Variants in ARID5B observed in about 807,000 individuals in gnomAD.
ARID5B encodes AT-rich interaction domain 5B.
In ARID5B, 13 loss-of-function variants were observed where a neutral mutation model predicts 97.2. That is an observed-to-expected ratio of 0.13 (90% CI 0.09 to 0.21). ARID5B has a LOEUF of 0.21. Ranked by LOEUF, ARID5B falls within the 10% of genes least tolerant of loss-of-function variation. The pLI is 1.00. For synonymous variants in ARID5B, 556 were observed against 570.3 expected (o/e 0.97, Z 0.36); for missense variants, 1,210 against 1,465.3 (o/e 0.83, Z 2.84).
intron 4 of ARID5B, among the ~76,000 whole-genome samples, chr10:62,029,534 TTATATAC>T (rs1564631599): frequency 6.6e-6 from 1 of 152,240 alleles, no homozygotes; most frequent in Non-Finnish European, 1.5e-5. Context: ...TAGCTAGTGC[TTATATAC>T]TACTTATTAT....
chr10:62,084,977 C>T lies in ARID5B; in HGVS notation c.1200-725C>T, dbSNP rs984219069. Among the ~76,000 whole-genome samples, 63 of 152,254 alleles carry T rather than the reference C, an allele frequency of 4.1e-4. 1 individual carries two copies. Among genetic ancestry groups the T allele is most frequent in the Admixed American group, 9.8e-4 (15 of 15,288 alleles). On this transcript the variant is annotated intron_variant, in intron 8 of 9. Transcript: ENST00000279873. ...ATAAGACTAAACTGTCTCTTGGCCACGCTGTGCTTGCCTCTCATTGACCTT... is the reference window on the plus strand; with the variant it reads ...ATAAGACTAAACTGTCTCTTGGCCATGCTGTGCTTGCCTCTCATTGACCTT...
rs563926137 is a variant in ARID5B at position 61,939,046 on chromosome 10, G to T, written c.277-1137G>T. On this transcript the variant is annotated intron_variant, in intron 2 of 9. Transcript: ENST00000279873. ...GGAGGAAAAAGTCATGTTTGGGGAGGAGGAAAAAGTCATGTTTAACAGCAA... is the reference window on the plus strand; with the variant it reads ...GGAGGAAAAAGTCATGTTTGGGGAGTAGGAAAAAGTCATGTTTAACAGCAA... Among the ~76,000 whole-genome samples, 206 of 150,708 alleles carry T rather than the reference G, an allele frequency of 1.4e-3. 2 individuals carry two copies. Among genetic ancestry groups the T allele is most frequent in the African/African-American group, 4.8e-3 (199 of 41,116 alleles).
At chr10:61,907,037 A>G (rs906311554) in intron 2 of ARID5B, among the ~76,000 whole-genome samples, 21 of 152,222 alleles carry the variant, frequency 1.4e-4, no homozygotes, top group African/African-American at 5.1e-4. Context: ...AACCACTACC[A>G]TGGAGCTTAC....
intron 5 of ARID5B, among the ~76,000 whole-genome samples, chr10:62,051,493 T>C (rs1391950767): frequency 6.6e-6 from 1 of 152,230 alleles, no homozygotes; most frequent in Non-Finnish European, 1.5e-5. Context: ...AGACTAAAAT[T>C]AAAGATACAT....
At chr10:61,967,923 A>G (rs1028250169) in intron 3 of ARID5B, among the ~76,000 whole-genome samples, 1 of 151,990 alleles carries the variant, frequency 6.6e-6, no homozygotes, top group African/African-American at 2.4e-5. Context: ...CTTGTAGATA[A>G]CCATCTATTT....
rs1008020174 is a variant in ARID5B at position 62,096,806 on chromosome 10, A to G, written c.*3776A>G. ...GCCAACTATAAACACTCAATTTTGT[A>G]TGTTTTCCAAATTGTACTTATTACT... On this transcript the variant is annotated 3_prime_UTR_variant, in exon 10 of 10. Transcript: ENST00000279873. 2 of 233,460 alleles carry G rather than the reference A, an allele frequency of 8.6e-6. No homozygotes were observed. The highest frequency in any genetic ancestry group is 1.7e-5 in the Non-Finnish European group (2 of 117,992). The allele number at this position is 233,460 out of a possible 1,614,324, so 14.5% of individuals were successfully genotyped here. A position where few individuals can be genotyped will look rare whatever the true frequency, so the allele number is the denominator to read the frequency against.
rs922009567 is a variant in ARID5B, at chr10:62,096,541, C to G, written c.*3511C>G. ...GTGTATTTGATATTCTGCCTGTCTC[C>G]TCATGGTTGAAATATGTCTGAAGAA... On this transcript the variant is annotated 3_prime_UTR_variant, in exon 10 of 10. Transcript: ENST00000279873. The G allele has an allele frequency of 4.3e-6, 1 of 233,310 alleles. No homozygotes were observed. Among genetic ancestry groups the G allele is most frequent in the South Asian group, 1.8e-4 (1 of 5,536 alleles). 14.5% of individuals were successfully genotyped at this position (233,310 alleles called of 1,614,324 possible).
At chr10:62,046,122 T>C (rs1319880309) in intron 4 of ARID5B, among the ~76,000 whole-genome samples, 1 of 152,028 alleles carries the variant, frequency 6.6e-6, no homozygotes, top group Non-Finnish European at 1.5e-5. Flanking sequence ...GAAGGAAGAG[T>C]TGTTAACTGA....
At chr10:61,919,038 C>A (rs1300546594) in intron 2 of ARID5B, among the ~76,000 whole-genome samples, 4 of 4,948 alleles carry the variant, frequency 8.1e-4, no homozygotes, top group African/African-American at 3.2e-3. Flanking sequence ...TGACTCCGTC[C>A]CCCCCCCCCC....
Position 62,092,332 on chromosome 10 carries a change from G to C in ARID5B, c.2869G>C (p.Val957Leu). ...SRDCHPKACR[V>L]SPMTMSGPKK... ...AGACTGTCACCCCAAAGCCTGTCGG[G>C]TATCACCCATGACCATGTCAGGCCC... The change falls in exon 10 of 10, where the codon GTA (valine) becomes CTA (leucine). Residue 957 changes from valine to leucine, a missense_variant. Val to Leu is a conservative substitution (Grantham distance 32). This residue lies in a region of ARID5B where 800 missense variants were observed against 839.1 expected (regional missense o/e 0.95). Transcript: ENST00000279873. 1 of 1,613,504 alleles carries C rather than the reference G, an allele frequency of 6.2e-7. No homozygotes were observed. The highest frequency in any genetic ancestry group is 8.5e-7 in the Non-Finnish European group (1 of 1,179,740).
chr10:62,005,366 G>A (rs1192327649), intron 4 of ARID5B, among the ~76,000 whole-genome samples: 2 of 152,154 alleles, frequency 1.3e-5, no homozygotes, highest in African/African-American at 2.4e-5. Context: ...GAATAAGACT[G>A]TGTTCACTTG....
rs768320220 is a variant in ARID5B at position 62,094,890 on chromosome 10, C to T, written c.*1860C>T. On this transcript the variant is annotated 3_prime_UTR_variant, in exon 10 of 10. Transcript: ENST00000279873. ...ATTTTCAACTTCTAAATAGGTAACT[C>T]GACTGCAAAATAATCAAAACTGATA... is the stretch of plus-strand genomic sequence containing the variant. 8.7e-6 allele frequency: 2 copies of T among 230,836 alleles called. No homozygotes were observed. Among genetic ancestry groups the T allele is most frequent in the Admixed American group, 5.7e-5 (1 of 17,690 alleles). 14.3% of individuals were successfully genotyped at this position (230,836 alleles called of 1,614,324 possible). A position where few individuals can be genotyped will look rare whatever the true frequency, so the allele number is the denominator to read the frequency against.
In ARID5B at chr10:61,981,089, T is replaced by A. The variant is rs148680413; in HGVS notation, c.503-19002T>A. 4.7e-3 allele frequency among the ~76,000 whole-genome samples: 723 copies of A among 152,352 alleles called. 5 individuals carry two copies. Among genetic ancestry groups the A allele is most frequent in the Middle Eastern group, 0.044 (13 of 294 alleles). On this transcript the variant is annotated intron_variant, in intron 3 of 9. Transcript: ENST00000279873. ...GAGTCACCTTGAACAGGTTGCTTAA[T>A]CTCTCTAAGCCTCAATTTCCTCATC...
At chr10:61,905,975 T>C (rs1165488719) in intron 2 of ARID5B, among the ~76,000 whole-genome samples, 1 of 152,176 alleles carries the variant, frequency 6.6e-6, no homozygotes, top group Non-Finnish European at 1.5e-5. Context: ...GGAAAAGCAT[T>C]CAAGAAAGTC....
At position 62,091,228 on chromosome 10, in the gene ARID5B, G is replaced by A; in HGVS notation, c.1765G>A (p.Glu589Lys). 6.2e-7 allele frequency: 1 copy of A among 1,614,126 alleles called. No homozygotes were observed. Among genetic ancestry groups the A allele is most frequent in the Non-Finnish European group, 8.5e-7 (1 of 1,180,000 alleles). ...LCCFTESPES[E>K]PQEASFPSFP... ...CTGTTTTACAGAGAGCCCTGAAAGTGAACCCCAAGAAGCATCCTTCCCCAG... is the reference window on the plus strand; with the variant it reads ...CTGTTTTACAGAGAGCCCTGAAAGTAAACCCCAAGAAGCATCCTTCCCCAG... Residue 589 changes from glutamate (E) to lysine (K), a missense_variant, in exon 10 of 10, where the codon GAA (glutamate) becomes AAA (lysine). By Grantham distance (56) the Glu-to-Lys change is moderately conservative. This residue lies in a region of ARID5B where 800 missense variants were observed against 839.1 expected (regional missense o/e 0.95). Coordinates refer to ENST00000279873, the MANE Select transcript of ARID5B (RefSeq NM_032199.3).
chr10:61,966,790 A>C (rs758341233), intron 3 of ARID5B, among the ~76,000 whole-genome samples: 3 of 152,174 alleles, frequency 2.0e-5, no homozygotes, highest in Admixed American at 1.3e-4. Context: ...TTCAACCTGG[A>C]GTATTCCTTA....
chr10:61,912,141 T>A (rs570995874), intron 2 of ARID5B, among the ~76,000 whole-genome samples: 2 of 152,348 alleles, frequency 1.3e-5, no homozygotes, highest in East Asian at 3.9e-4. Context: ...TTAAAGCATA[T>A]GTTGTTTCAC....
chr10:61,952,929 G>C (rs946620706), intron 3 of ARID5B, among the ~76,000 whole-genome samples: 1 of 151,934 alleles, frequency 6.6e-6, no homozygotes, highest in Non-Finnish European at 1.5e-5. Context: ...AATCTTCTTC[G>C]TGTTTCAGGG....
intron 3 of ARID5B, among the ~76,000 whole-genome samples, chr10:61,954,080 C>T (rs750435338): frequency 2.6e-4 from 39 of 152,108 alleles, no homozygotes; most frequent in Middle Eastern, 3.4e-3. Flanking sequence ...AAATTTCAGC[C>T]GGGCACGGTG....
Sources: allele counts gnomAD v4.1 joint callset (sites outside exome capture counted in the v4.1 genomes callset), GRCh38; gene constraint gnomAD v4.1.1; regional missense constraint gnomAD v4.1.1; transcripts MANE v1.5; gene names NCBI Gene and HGNC (gene_info 2026-07-23, HGNC 2026-07-21).